The following OOSP3 variants were observed in gnomAD, a reference collection of about 807,000 sequenced individuals.
The protein encoded by OOSP3 is oocyte-secreted protein 3.
At chr11:59,888,210 T>C (rs1853279758) in intron 2 of OOSP3, among the ~76,000 whole-genome samples, 1 of 152,218 alleles carries the variant, frequency 6.6e-6, no homozygotes. Context: ...GCTGAGTCCA[T>C]GGGGTTTTCT....
intron 2 of OOSP3, among the ~76,000 whole-genome samples, chr11:59,882,548 A>T (rs906980215): frequency 6.6e-6 from 1 of 152,298 alleles, no homozygotes; most frequent in South Asian, 2.1e-4. Flanking sequence ...ATAATTTATT[A>T]TAAAGATTTT....
intron 2 of OOSP3, among the ~76,000 whole-genome samples, chr11:59,884,015 A>G (rs550856579): frequency 1.1e-4 from 17 of 152,352 alleles, no homozygotes; most frequent in Admixed American, 3.3e-4. Context: ...AAGGTTAAGG[A>G]TTCTGGATTC....
chr11:59,881,467 A>G (rs915037405), intron 2 of OOSP3, among the ~76,000 whole-genome samples: 3 of 152,112 alleles, frequency 2.0e-5, no homozygotes, highest in African/African-American at 4.8e-5. Context: ...TATCACTGGG[A>G]TGAAGTTGAA....
intron 2 of OOSP3, among the ~76,000 whole-genome samples, chr11:59,885,869 A>T (rs1028410267): frequency 9.2e-5 from 14 of 151,900 alleles, no homozygotes; most frequent in Non-Finnish European, 1.8e-4. Flanking sequence ...TTCTTTTTTT[A>T]AAAAATATTT....
At chr11:59,892,836 G>T (rs1157066697) in intron 2 of OOSP3, among the ~76,000 whole-genome samples, 1 of 152,112 alleles carries the variant, frequency 6.6e-6, no homozygotes, top group African/African-American at 2.4e-5. Flanking sequence ...AATAGAACAA[G>T]TTAAAAATGC....
At chr11:59,892,991 G>T (rs115642152) in intron 2 of OOSP3, among the ~76,000 whole-genome samples, 2,863 of 152,234 alleles carry the variant, frequency 0.019, 112 homozygotes, top group African/African-American at 0.066. Flanking sequence ...GTTTTATGAA[G>T]AAGTGGATTT....
At chr11:59,883,856 C>G (rs1490869910) in intron 2 of OOSP3, among the ~76,000 whole-genome samples, 1 of 152,182 alleles carries the variant, frequency 6.6e-6, no homozygotes, top group African/African-American at 2.4e-5. Context: ...GACTGTCAGT[C>G]TCTTGCTGGA....
At chr11:59,884,655 C>T (rs1432855919) in intron 2 of OOSP3, among the ~76,000 whole-genome samples, 2 of 152,026 alleles carry the variant, frequency 1.3e-5, no homozygotes, top group Admixed American at 6.6e-5. Flanking sequence ...TGTGTGCCAC[C>T]GTGTCCAGCT....
chr11:59,892,793 A>G (rs1338663439), intron 2 of OOSP3, among the ~76,000 whole-genome samples: 2 of 152,188 alleles, frequency 1.3e-5, no homozygotes, highest in African/African-American at 4.8e-5. Flanking sequence ...GTTGACTTTC[A>G]TAGATACTGT....
chr11:59,885,769 A>G (rs1320823926), intron 2 of OOSP3, among the ~76,000 whole-genome samples: 3 of 152,122 alleles, frequency 2.0e-5, no homozygotes, highest in Non-Finnish European at 2.9e-5. Context: ...CATAAGGTAC[A>G]TTGATCTATA....
chr11:59,888,881 C>T (rs1253204949), intron 2 of OOSP3, among the ~76,000 whole-genome samples: 1 of 152,120 alleles, frequency 6.6e-6, no homozygotes, highest in African/African-American at 2.4e-5. Context: ...GGTACCAGCT[C>T]CTCTTTGTAT....
chr11:59,894,010 A>C (rs897882763), intron 2 of OOSP3, 69 bp from the exon 3 acceptor site: 4 of 397,460 alleles, frequency 1.0e-5, no homozygotes, highest in African/African-American at 8.2e-5. Flanking sequence ...TGATCTGTTC[A>C]CTGTTCAAAT....
chr11:59,887,118 T>G (rs985210190), intron 2 of OOSP3, among the ~76,000 whole-genome samples: 9 of 150,302 alleles, frequency 6.0e-5, no homozygotes, highest in African/African-American at 1.0e-4. Flanking sequence ...TGGTTTTTTT[T>G]TTGTTGTTTT....
intron 2 of OOSP3, among the ~76,000 whole-genome samples, chr11:59,888,769 G>T (rs1369951157): frequency 1.3e-5 from 2 of 151,972 alleles, no homozygotes; most frequent in African/African-American, 4.8e-5. Flanking sequence ...TTTTTTTGTT[G>T]TATCTCTGTC....
chr11:59,884,116 C>T (rs566650723), intron 2 of OOSP3, among the ~76,000 whole-genome samples: 1 of 152,260 alleles, frequency 6.6e-6, no homozygotes, highest in East Asian at 1.9e-4. Context: ...GCTTAAATAA[C>T]AGACAGCAAT....
At chr11:59,887,130 T>C (rs114532637) in intron 2 of OOSP3, among the ~76,000 whole-genome samples, 1 of 151,878 alleles carries the variant, frequency 6.6e-6, no homozygotes, top group Admixed American at 6.6e-5. Flanking sequence ...TGTTGTTTTT[T>C]TTTTTGTAAA....
rs1853291533 is a variant in OOSP3 at position 59,889,557 on chromosome 11, A to G, written c.253-4522A>G. ...TCTGCCTTAATTTCATTATTTACCC[A>G]GAAGTCATTCAGGAGCAGGTTGTTC... On this transcript the variant is annotated intron_variant, in intron 2 of 4. Coordinates refer to ENST00000646438, the Ensembl canonical transcript of OOSP3. Among the ~76,000 whole-genome samples the G allele has an allele frequency of 2.0e-5, 3 of 152,338 alleles. No homozygotes were observed. The South Asian group carries it at 6.2e-4, about 32-fold the overall frequency.
At chr11:59,887,484 G>C (rs145871861) in intron 2 of OOSP3, among the ~76,000 whole-genome samples, 39 of 152,290 alleles carry the variant, frequency 2.6e-4, no homozygotes, top group Middle Eastern at 3.4e-3. Context: ...TAAGGTGTAA[G>C]GAAGGGATCC....
intron 2 of OOSP3, among the ~76,000 whole-genome samples, chr11:59,885,855 CT>C (rs1853251682): frequency 6.6e-6 from 1 of 151,760 alleles, no homozygotes; most frequent in South Asian, 2.1e-4. Flanking sequence ...GTGCCATCTT[CT>C]ATTTCTTTTT....
Sources: allele counts gnomAD v4.1 joint callset (sites outside exome capture counted in the v4.1 genomes callset), GRCh38; gene constraint gnomAD v4.1.1; transcripts MANE v1.5; gene names NCBI Gene and HGNC (gene_info 2026-07-23, HGNC 2026-07-21).